ADGB: variants seen among roughly 807,000 people sequenced by gnomAD.
The protein encoded by ADGB is androglobin, also known as calpain-7-like protein.
ADGB carries 172 observed loss-of-function variants against 210.5 expected under a neutral mutation model. That is an observed-to-expected ratio of 0.82 (90% CI 0.72 to 0.93). The LOEUF (loss-of-function observed/expected upper bound fraction) is 0.93, where lower values mean the gene tolerates loss of function less well. Ranked by LOEUF, ADGB falls within the 40% of genes least tolerant of loss-of-function variation. The probability of loss-of-function intolerance (pLI) is 0.00; values close to 1 mark genes in which losing one functional copy is unlikely to be tolerated. For missense variants in ADGB, 2,025 were observed against 1,964.8 expected (o/e 1.03, Z -0.58); for synonymous variants, 658 against 662.7 (o/e 0.99, Z 0.11).
rs1213214993 is a variant in ADGB, at chr6:146,801,955, C to G, written c.4762C>G (p.Gln1588Glu). 7 of 1,550,390 alleles carry G rather than the reference C, an allele frequency of 4.5e-6. No homozygotes were observed. Among genetic ancestry groups the G allele is most frequent in the Middle Eastern group, 1.7e-4 (1 of 5,990 alleles). The change falls in exon 35 of 36, where the codon CAA becomes GAA. Residue 1588 changes from glutamine to glutamate, a missense_variant. Coordinates refer to ENST00000397944, the MANE Select transcript of ADGB (RefSeq NM_024694.4). Reference protein sequence around the residue: ...TRVLSIRNIDQEERLKLKDEV... With the variant: ...TRVLSIRNIDEEERLKLKDEV... ...AGTCCTTAGCATTCGAAACATTGAC[C>G]AAGAAGAGCGGTTGAAGTTAAAGGA... is the stretch of plus-strand genomic sequence containing the variant.
At chr6:146,706,499 C>T (rs1009939570) in intron 13 of ADGB, among the ~76,000 whole-genome samples, 2 of 152,018 alleles carry the variant, frequency 1.3e-5, no homozygotes, top group African/African-American at 4.8e-5. Context: ...ACCTCGTCAT[C>T]CACCTGCCTC....
chr6:146,601,677 T>A (rs1780558678), intron 1 of ADGB, among the ~76,000 whole-genome samples: 1 of 152,170 alleles, frequency 6.6e-6, no homozygotes, highest in African/African-American at 2.4e-5. Context: ...TTCCTGGATA[T>A]GGAAATAAAA....
chr6:146,687,190 GGACT>G (rs1482795372), intron 10 of ADGB, among the ~76,000 whole-genome samples: 1 of 152,048 alleles, frequency 6.6e-6, no homozygotes, highest in Non-Finnish European at 1.5e-5. Context: ...ACAGCAATTT[GGACT>G]GAATATAAAA....
At chr6:146,657,341 A>G (rs999350696) in intron 5 of ADGB, among the ~76,000 whole-genome samples, 17 of 152,000 alleles carry the variant, frequency 1.1e-4, no homozygotes, top group African/African-American at 3.9e-4. Context: ...AAAGAAAGAA[A>G]GAAAGAGAGA....
chr6:146,785,292 G>A (rs1215527079), intron 31 of ADGB, among the ~76,000 whole-genome samples: 2 of 152,070 alleles, frequency 1.3e-5, no homozygotes, highest in East Asian at 3.9e-4. Context: ...CCATGTAAGT[G>A]CTTCATGTCA....
intron 35 of ADGB, among the ~76,000 whole-genome samples, chr6:146,810,943 CAT>C (rs1778294212): frequency 6.6e-6 from 1 of 152,122 alleles, no homozygotes; most frequent in African/African-American, 2.4e-5. Context: ...TCAGTGTACA[CAT>C]ATATCAAACC....
At chr6:146,633,682 G>A (rs910593975) in intron 1 of ADGB, among the ~76,000 whole-genome samples, 1 of 151,900 alleles carries the variant, frequency 6.6e-6, no homozygotes, top group African/African-American at 2.4e-5. Flanking sequence ...CCTTACTATA[G>A]ATATTTTCCT....
At chr6:146,747,818 AC>A (rs1337791680) in intron 26 of ADGB, among the ~76,000 whole-genome samples, 2 of 146,188 alleles carry the variant, frequency 1.4e-5, no homozygotes, top group Non-Finnish European at 3.0e-5. Context: ...TCACTCTGTC[AC>A]CCAGGCTGTA....
chr6:146,790,143 A>G (rs7760635), intron 33 of ADGB, among the ~76,000 whole-genome samples: 118 of 152,304 alleles, frequency 7.7e-4, no homozygotes, highest in African/African-American at 2.7e-3. Flanking sequence ...AATTAGGCTA[A>G]TAAATATATT....
At chr6:146,734,247 A>G (rs1396416863) in intron 22 of ADGB, among the ~76,000 whole-genome samples, 1 of 152,210 alleles carries the variant, frequency 6.6e-6, no homozygotes, top group Non-Finnish European at 1.5e-5. Flanking sequence ...GCACACAATA[A>G]ATACTTGCTG....
intron 5 of ADGB, among the ~76,000 whole-genome samples, chr6:146,661,023 C>G (rs920933598): frequency 3.9e-5 from 6 of 151,942 alleles, no homozygotes; most frequent in African/African-American, 1.4e-4. Flanking sequence ...TTTTGATTGA[C>G]CTATAGTGCT....
chr6:146,804,145 G>A (rs1345175647), intron 35 of ADGB, among the ~76,000 whole-genome samples: 1 of 152,044 alleles, frequency 6.6e-6, no homozygotes, highest in African/African-American at 2.4e-5. Context: ...TCTAAATTGT[G>A]GAAGACTATA....
chr6:146,752,851 G>A, intron 27 of ADGB, 137 bp downstream of exon 27: 1 of 727,374 alleles, frequency 1.4e-6, no homozygotes, highest in Non-Finnish European at 1.9e-6. Context: ...AATATTACAA[G>A]TATAGCATTT....
At chr6:146,616,328 T>C (rs1367980739) in intron 1 of ADGB, among the ~76,000 whole-genome samples, 1 of 151,748 alleles carries the variant, frequency 6.6e-6, no homozygotes, top group African/African-American at 2.4e-5. Flanking sequence ...TATTAATGGA[T>C]ACTAAAGTAG....
chr6:146,726,071 C>T lies in ADGB; in HGVS notation c.2238-12C>T. The T allele has an allele frequency of 6.7e-7, 1 of 1,489,740 alleles. No homozygotes were observed. The highest frequency in any genetic ancestry group is 9.1e-7 in the Non-Finnish European group (1 of 1,096,680). 92.3% of individuals were successfully genotyped at this position (1,489,740 alleles called of 1,614,324 possible). A position where few individuals can be genotyped will look rare whatever the true frequency, so the allele number is the denominator to read the frequency against. ...AAGCACTCGGTTATCATCCGGCATC[C>T]CTTCTCTTTAGGAGACACATGCTAC... On this transcript the variant is annotated splice_polypyrimidine_tract_variant and intron_variant, in intron 18 of 35. Transcript: ENST00000397944.
At chr6:146,722,969 T>C (rs1250116286) in intron 17 of ADGB, among the ~76,000 whole-genome samples, 1 of 152,228 alleles carries the variant, frequency 6.6e-6, no homozygotes, top group African/African-American at 2.4e-5. Context: ...TCAGCTCAAA[T>C]TAACAGTACA....
At chr6:146,741,369 T>C in intron 25 of ADGB, 98 bp downstream of exon 25, 1 of 1,093,298 alleles carries the variant, frequency 9.1e-7, no homozygotes, top group Non-Finnish European at 1.3e-6. Flanking sequence ...GTTTTTAATC[T>C]ACTTAACAGA....
chr6:146,804,210 A>G (rs1394319480), intron 35 of ADGB, among the ~76,000 whole-genome samples: 2 of 152,146 alleles, frequency 1.3e-5, no homozygotes, highest in Admixed American at 6.5e-5. Context: ...ATAAATATAT[A>G]TGGATAACTT....
chr6:146,782,308 G>A, intron 30 of ADGB, 116 bp downstream of exon 30: 2 of 1,060,934 alleles, frequency 1.9e-6, no homozygotes, highest in Non-Finnish European at 2.6e-6. Context: ...CCTGATTCCA[G>A]AAACCATCTA....
Sources: gnomAD v4.1 joint callset for allele counts (sites outside exome capture counted in the v4.1 genomes callset) on GRCh38, gnomAD v4.1.1 for gene constraint, MANE v1.5 for transcripts, NCBI Gene and HGNC (gene_info 2026-07-23, HGNC 2026-07-21) for gene names.